DMD: variants seen among roughly 807,000 people sequenced by gnomAD.
The protein encoded by DMD is dystrophin, also known as mutant dystrophin.
A neutral mutation model predicts 330.1 loss-of-function variants in DMD; 63 were observed. The observed-to-expected ratio is 0.19, with a 90% CI of 0.16 to 0.24. DMD has a LOEUF of 0.24. DMD is among the 10% of genes least tolerant of loss of function. The pLI, the probability that DMD is intolerant of heterozygous loss-of-function variation, is 1.00. For missense variants in DMD, 3,344 were observed against 2,684.1 expected, an observed-to-expected ratio of 1.25 and a Z score of -5.43; for synonymous variants, 1,223 against 959.8, an observed-to-expected ratio of 1.27 and a Z score of -5.07.
intron 53 of DMD, among the ~76,000 whole-genome samples, chrX:31,664,774 T>C (rs1181130538): frequency 1.8e-5 from 2 of 108,245 alleles, no homozygotes; most frequent in Admixed American, 1.0e-4. Context: ...ATCTTTTTTA[T>C]TGGCTCCCTC....
chrX:32,474,670 C>A, intron 21 of DMD, among the ~76,000 whole-genome samples: 1 of 111,289 alleles, frequency 9.0e-6, no homozygotes, highest in East Asian at 2.9e-4. Flanking sequence ...CTTTTGAGAA[C>A]TGTCTATTCA....
At chrX:32,681,731 C>T in intron 9 of DMD, among the ~76,000 whole-genome samples, 1 of 111,993 alleles carries the variant, frequency 8.9e-6, no homozygotes, top group Non-Finnish European at 1.9e-5. Flanking sequence ...TCCTTTTCCT[C>T]TTGGAGTTTT....
At chrX:31,266,922 G>A (rs897090614) in intron 62 of DMD, 11 of 1,162,632 alleles carry the variant, frequency 9.5e-6, no homozygotes, top group Non-Finnish European at 1.3e-5. Flanking sequence ...CGCCGCCGCC[G>A]CCGCCGCCCA....
chrX:31,410,431 C>T (rs1035222595), intron 60 of DMD, among the ~76,000 whole-genome samples: 1 of 111,934 alleles, frequency 8.9e-6, no homozygotes, highest in Non-Finnish European at 1.9e-5. Context: ...AACAGCTCCA[C>T]AGGGAGAAGC....
intron 2 of DMD, among the ~76,000 whole-genome samples, chrX:32,992,921 A>AAAAAAAAAAC (rs1476448179): frequency 7.3e-5 from 8 of 109,900 alleles, no homozygotes; most frequent in African/African-American, 2.0e-4. Flanking sequence ...AAAAAAAAAA[A>AAAAAAAAAAC]AAAAAACTGT....
chrX:32,550,589 A>G (rs1004592595), intron 16 of DMD, among the ~76,000 whole-genome samples: 28 of 111,036 alleles, frequency 2.5e-4, no homozygotes, highest in Admixed American at 1.9e-3. Context: ...GAGAAACAAT[A>G]GCAAACTAAC....
chrX:31,817,530 C>T (rs1231201440), intron 50 of DMD, among the ~76,000 whole-genome samples: 2 of 109,681 alleles, frequency 1.8e-5, no homozygotes, highest in Non-Finnish European at 3.8e-5. Flanking sequence ...AGATCTGTTT[C>T]GGTTTGCTAA....
At chrX:32,517,809 G>C in intron 18 of DMD, 199 bp downstream of exon 18, 1 of 473,223 alleles carries the variant, frequency 2.1e-6, no homozygotes. Flanking sequence ...TCCCTAGTCA[G>C]TCACAGAAGA....
rs1336768623 is a variant in DMD at position 32,856,461 on chromosome X, AGTGGAGTACTACT to A, written c.94-6654_94-6642del. ...AAGAAAATGTGGTACATATATACGT[AGTGGAGTACTACT>A]CAGTCATAAAAAAAAATGAGACGCT... On this transcript the variant is annotated intron_variant, in intron 2 of 78. Transcript: ENST00000357033. Among the ~76,000 whole-genome samples, 257 of 109,544 alleles carry A rather than the reference AGTGGAGTACTACT, an allele frequency of 2.3e-3. 2 individuals carry two copies. The highest frequency in any genetic ancestry group is 8.1e-3 in the African/African-American group (248 of 30,482).
At chrX:32,886,175 C>A (rs1321755939) in intron 2 of DMD, among the ~76,000 whole-genome samples, 1 of 110,399 alleles carries the variant, frequency 9.1e-6, no homozygotes, top group Non-Finnish European at 1.9e-5. Context: ...TAAAAACATG[C>A]TAAGAATGTT....
chrX:31,282,631 T>C (rs758563677), intron 62 of DMD, among the ~76,000 whole-genome samples: 81 of 111,975 alleles, frequency 7.2e-4, no homozygotes, highest in Non-Finnish European at 1.3e-3. Context: ...CTACTTACGT[T>C]AGCTTTTCCT....
intron 47 of DMD, among the ~76,000 whole-genome samples, chrX:31,879,046 C>A (rs1285521450): frequency 3.6e-5 from 4 of 111,686 alleles, no homozygotes; most frequent in Non-Finnish European, 1.9e-5. Context: ...GAGGGTAGAG[C>A]AGATGATGGG....
chrX:32,475,973 TAAAC>T (rs993427255), intron 21 of DMD, among the ~76,000 whole-genome samples: 4 of 110,986 alleles, frequency 3.6e-5, no homozygotes, highest in Non-Finnish European at 5.7e-5. Flanking sequence ...TGATTATTAA[TAAAC>T]AAAATCCAAA....
chrX:32,401,703 A>C (rs2098087152), intron 30 of DMD, among the ~76,000 whole-genome samples: 1 of 112,154 alleles, frequency 8.9e-6, no homozygotes, highest in African/African-American at 3.2e-5. Flanking sequence ...TTTAAAATAA[A>C]CTAAAAGAGT....
chrX:32,420,467 T>G (rs2148018689), intron 29 of DMD, among the ~76,000 whole-genome samples: 1 of 112,076 alleles, frequency 8.9e-6, no homozygotes, highest in Non-Finnish European at 1.9e-5. Flanking sequence ...ATTAGCCAAA[T>G]ACAGAAGTAC....
intron 41 of DMD, among the ~76,000 whole-genome samples, chrX:32,316,882 T>C (rs1343655399): frequency 9.0e-6 from 1 of 111,049 alleles, no homozygotes; most frequent in African/African-American, 3.3e-5. Context: ...ACTACATCCA[T>C]TGAATGACTT....
intron 1 of DMD, among the ~76,000 whole-genome samples, chrX:33,276,227 C>T (rs937394704): frequency 3.6e-5 from 4 of 111,464 alleles, no homozygotes; most frequent in Non-Finnish European, 7.5e-5. Context: ...CATTAACATG[C>T]GTTTAAATTC....
chrX:32,612,860 A>G (rs1212842853), intron 12 of DMD, among the ~76,000 whole-genome samples: 1 of 111,134 alleles, frequency 9.0e-6, no homozygotes, highest in Non-Finnish European at 1.9e-5. Flanking sequence ...CCTGGGGGTC[A>G]ATAATAGTAA....
intron 1 of DMD, among the ~76,000 whole-genome samples, chrX:33,059,136 C>A (rs1158397452): frequency 9.0e-6 from 1 of 111,278 alleles, no homozygotes; most frequent in African/African-American, 3.3e-5. Flanking sequence ...ATTATGAAAT[C>A]TTTGCTTAGC....
Sources: allele counts gnomAD v4.1 joint callset (sites outside exome capture counted in the v4.1 genomes callset), GRCh38; gene constraint gnomAD v4.1.1; transcripts MANE v1.5; gene names NCBI Gene and HGNC (gene_info 2026-07-23, HGNC 2026-07-21).